The following DAB1 variants were observed in gnomAD, a reference collection of about 807,000 sequenced individuals.
DAB1 encodes the protein disabled homolog 1.
Under a neutral mutation model 64.6 loss-of-function variants are expected in DAB1, and 15 were observed. That is an observed-to-expected ratio of 0.23 (90% confidence interval 0.16 to 0.36). The LOEUF (loss-of-function observed/expected upper bound fraction) is 0.36, where lower values mean the gene tolerates loss of function less well. DAB1 is among the 10% of genes least tolerant of loss of function. The probability of loss-of-function intolerance (pLI) is 1.00; values close to 1 mark genes in which losing one functional copy is unlikely to be tolerated. For missense variants in DAB1, 596 were observed against 706.7 expected, an observed-to-expected ratio of 0.84 and a Z score of 1.78; for synonymous variants, 235 against 251.9, an observed-to-expected ratio of 0.93 and a Z score of 0.64.
chr1:57,781,978 A>G (rs1650123544), intron 6 of DAB1, among the ~76,000 whole-genome samples: 2 of 152,180 alleles, frequency 1.3e-5, no homozygotes, highest in Non-Finnish European at 2.9e-5. Context: ...TATTTTCAAT[A>G]TTCTAGGAGT....
In DAB1 at chr1:57,072,306, C is replaced by T. The variant is rs753209353; in HGVS notation, c.415G>A (p.Val139Met). ...VCGKEGNHRF[V>M]AIKTAQAAEP... ...ACCGCCTGGGCTGTTTTTATGGCCACAAATCTGTGATTCCCTTCCTTCCCA... is the reference window on the plus strand; with the variant it reads ...ACCGCCTGGGCTGTTTTTATGGCCATAAATCTGTGATTCCCTTCCTTCCCA... Residue 139 changes from valine (V) to methionine (M), a missense_variant, in exon 5 of 15, where the codon GTG becomes ATG. This residue lies in a region of DAB1 where 176 missense variants were observed against 266.7 expected (regional missense o/e 0.66). Coordinates refer to ENST00000371236, the MANE Select transcript of DAB1 (RefSeq NM_001365792.1). 1.2e-6 allele frequency: 2 copies of T among 1,613,782 alleles called. No homozygotes were observed. The highest frequency in any genetic ancestry group is 1.7e-4 in the Middle Eastern group (1 of 6,058).
At chr1:57,082,617 T>C (rs1344942152) in intron 4 of DAB1, among the ~76,000 whole-genome samples, 1 of 152,174 alleles carries the variant, frequency 6.6e-6, no homozygotes, top group Non-Finnish European at 1.5e-5. Flanking sequence ...GTGGTACTTA[T>C]CAACCCATCA....
intron 4 of DAB1, among the ~76,000 whole-genome samples, chr1:58,338,265 T>C (rs1663170034): frequency 6.6e-6 from 1 of 152,152 alleles, no homozygotes; most frequent in Non-Finnish European, 1.5e-5. Context: ...TCCAGCTCCT[T>C]CATCTCTGAG....
At chr1:57,506,966 C>CT (rs1437085972) in intron 7 of DAB1, among the ~76,000 whole-genome samples, 1 of 152,156 alleles carries the variant, frequency 6.6e-6, no homozygotes, top group Non-Finnish European at 1.5e-5. Flanking sequence ...TCACCCAGGC[C>CT]TTTTCAACAA....
intron 4 of DAB1, among the ~76,000 whole-genome samples, chr1:57,132,898 G>C (rs986345754): frequency 1.3e-5 from 2 of 152,034 alleles, no homozygotes; most frequent in Admixed American, 6.6e-5. Flanking sequence ...ATAGATAAAA[G>C]CATCAAATGA....
intron 4 of DAB1, among the ~76,000 whole-genome samples, chr1:58,286,438 G>T (rs1200997634): frequency 1.3e-5 from 2 of 152,096 alleles, no homozygotes; most frequent in Admixed American, 6.6e-5. Context: ...CTAATATCCA[G>T]AATCTATTAT....
chr1:57,159,838 A>C (rs1385768814), intron 2 of DAB1, among the ~76,000 whole-genome samples: 2 of 143,036 alleles, frequency 1.4e-5, no homozygotes, highest in African/African-American at 5.4e-5. Flanking sequence ...CTTCACGTAC[A>C]AGGTAGAAGC....
Position 57,069,343 on chromosome 1 carries a change from G to C in DAB1, c.663+17C>G. 6.2e-7 allele frequency: 1 copy of C among 1,607,506 alleles called. No individual in the cohort carries two copies. Among genetic ancestry groups the C allele is most frequent in the Non-Finnish European group, 8.5e-7 (1 of 1,174,186 alleles). On this transcript the variant is annotated intron_variant, in intron 8 of 14. Coordinates refer to ENST00000371236, the MANE Select transcript of DAB1 (RefSeq NM_001365792.1). ...CTAGTAGTGGTGCAATGGTAAGAGAGGCAAGCAATTTTATACCTGATAAAT... is the reference window on the plus strand; with the variant it reads ...CTAGTAGTGGTGCAATGGTAAGAGACGCAAGCAATTTTATACCTGATAAAT...
chr1:58,121,812 T>G (rs1052203886), intron 5 of DAB1, among the ~76,000 whole-genome samples: 3 of 152,216 alleles, frequency 2.0e-5, no homozygotes, highest in African/African-American at 4.8e-5. Context: ...TATATATATT[T>G]CAAAATAAGT....
chr1:58,119,678 G>A (rs1652618106), intron 5 of DAB1, among the ~76,000 whole-genome samples: 1 of 152,162 alleles, frequency 6.6e-6, no homozygotes, highest in Admixed American at 6.6e-5. Context: ...CTGGAGCAGA[G>A]AAATAGCCAG....
intron 1 of DAB1, among the ~76,000 whole-genome samples, chr1:57,420,106 A>T (rs1439182097): frequency 6.6e-6 from 1 of 152,262 alleles, no homozygotes; most frequent in Non-Finnish European, 1.5e-5. Flanking sequence ...CAAAGTGCCT[A>T]TCATTGCCCC....
chr1:58,244,233 G>T (rs1347025342), intron 4 of DAB1, among the ~76,000 whole-genome samples: 1 of 152,132 alleles, frequency 6.6e-6, no homozygotes, highest in Non-Finnish European at 1.5e-5. Context: ...TAAAACAGCT[G>T]CTACAAAAGC....
rs1570223876 is a variant in DAB1, at chr1:58,012,240, A to G, written n.388-128078T>C. On this transcript the variant is annotated intron_variant and non_coding_transcript_variant, in intron 5 of 20. Transcript: ENST00000485760. ...AGCAGAACATCTGAGTTCTGGGCCC[A>G]CTCAGAAGTGACCAGAGTAATTGAT... Among the ~76,000 whole-genome samples the G allele has an allele frequency of 2.6e-5, 4 of 152,152 alleles. No homozygotes were observed. In the East Asian group the frequency reaches 7.7e-4, roughly 29 times the overall value.
At chr1:57,132,937 A>G (rs1657764601) in intron 4 of DAB1, among the ~76,000 whole-genome samples, 1 of 152,206 alleles carries the variant, frequency 6.6e-6, no homozygotes, top group Non-Finnish European at 1.5e-5. Context: ...AAAATTTGGT[A>G]TGCTATTATT....
In DAB1 at chr1:58,254,661, G is replaced by GT. The variant is rs1372755515; in HGVS notation, n.309+88690_309+88691insA. 6.4e-3 allele frequency among the ~76,000 whole-genome samples: 31 copies of GT among 4,828 alleles called. 3 individuals carry two copies. Among genetic ancestry groups the GT allele is most frequent in the East Asian group, 0.5 (1 of 2 alleles). The allele number at this position is 4,828 out of a possible 152,430, so 3.2% of individuals were successfully genotyped here. A position where few individuals can be genotyped will look rare whatever the true frequency, so the allele number is the denominator to read the frequency against. On this transcript the variant is annotated intron_variant and non_coding_transcript_variant, in intron 4 of 20. Coordinates refer to the DAB1 transcript ENST00000485760. ...ATGCGGTGTTTGGTTTTTTGTTCTTGCATAGTTTACTGAGAATGATGGTTT... is the reference window on the plus strand; with the variant it reads ...ATGCGGTGTTTGGTTTTTTGTTCTTGTCATAGTTTACTGAGAATGATGGTTT...
At chr1:58,292,938 C>G (rs4912186) in intron 4 of DAB1, among the ~76,000 whole-genome samples, 1 of 152,084 alleles carries the variant, frequency 6.6e-6, no homozygotes, top group East Asian at 1.9e-4. Flanking sequence ...ACCGAGATCA[C>G]ATTCTAAAAT....
intron 6 of DAB1, among the ~76,000 whole-genome samples, chr1:57,806,352 A>T (rs983160875): frequency 1.3e-5 from 2 of 152,188 alleles, no homozygotes; most frequent in Non-Finnish European, 2.9e-5. Context: ...GGTCATTAGG[A>T]TAGAACCTCA....
chr1:57,852,486 A>C (rs1307480865), intron 1 of DAB1, among the ~76,000 whole-genome samples: 1 of 152,126 alleles, frequency 6.6e-6, no homozygotes, highest in Non-Finnish European at 1.5e-5. Flanking sequence ...TCTGGGATGC[A>C]GAGAGAACCA....
At chr1:57,376,737 T>A (rs1338458818) in intron 1 of DAB1, among the ~76,000 whole-genome samples, 1 of 152,134 alleles carries the variant, frequency 6.6e-6, no homozygotes, top group Non-Finnish European at 1.5e-5. Flanking sequence ...AACAGATGGA[T>A]AAAGAGACAG....
Sources: gnomAD v4.1 joint callset for allele counts (sites outside exome capture counted in the v4.1 genomes callset) on GRCh38, gnomAD v4.1.1 for gene constraint, gnomAD v4.1.1 regional missense constraint, MANE v1.5 for transcripts, NCBI Gene and HGNC (gene_info 2026-07-23, HGNC 2026-07-21) for gene names.